Variants in NMNAT2 observed in about 807,000 individuals in gnomAD.
NMNAT2 encodes nicotinamide/nicotinic acid mononucleotide adenylyltransferase 2.
NMNAT2 carries 11 observed loss-of-function variants against 41.6 expected under a neutral mutation model. That is an observed-to-expected ratio of 0.26 (90% CI 0.17 to 0.44). The LOEUF is 0.44. Among genes scored for constraint, NMNAT2 ranks in the 20% least tolerant of loss-of-function variants. The pLI is 1.00. For synonymous variants in NMNAT2, 148 were observed against 151.2 expected, an observed-to-expected ratio of 0.98 and a Z score of 0.16; for missense variants, 288 against 407.7, an observed-to-expected ratio of 0.71 and a Z score of 2.53.
At chr1:183,349,169 T>C (rs970357602) in intron 1 of NMNAT2, among the ~76,000 whole-genome samples, 1 of 152,238 alleles carries the variant, frequency 6.6e-6, no homozygotes, top group Non-Finnish European at 1.5e-5. Flanking sequence ...GGATTATGTT[T>C]CTCCCAAAGG....
intron 1 of NMNAT2, among the ~76,000 whole-genome samples, chr1:183,385,338 C>T (rs899753174): frequency 2.6e-5 from 4 of 152,162 alleles, no homozygotes; most frequent in Admixed American, 2.6e-4. Flanking sequence ...AAGCAATAGC[C>T]TAAAACCCAC....
intron 1 of NMNAT2, among the ~76,000 whole-genome samples, chr1:183,341,516 A>G (rs1279933598): frequency 4.2e-5 from 4 of 94,618 alleles, no homozygotes; most frequent in African/African-American, 1.5e-4. Context: ...TGTCTCTACA[A>G]AAAATGCAAA....
At chr1:183,373,867 C>T (rs1234127465) in intron 1 of NMNAT2, among the ~76,000 whole-genome samples, 1 of 152,214 alleles carries the variant, frequency 6.6e-6, no homozygotes, top group Non-Finnish European at 1.5e-5. Flanking sequence ...ATCTGCCCGC[C>T]TCAGCCTCCC....
intron 1 of NMNAT2, among the ~76,000 whole-genome samples, chr1:183,386,332 A>G (rs1648246059): frequency 6.6e-6 from 1 of 152,152 alleles, no homozygotes; most frequent in Non-Finnish European, 1.5e-5. Context: ...GAGTTATCTC[A>G]TGTATAAATC....
chr1:183,319,422 G>C (rs1400213103), intron 1 of NMNAT2, among the ~76,000 whole-genome samples: 1 of 152,236 alleles, frequency 6.6e-6, no homozygotes, highest in East Asian at 1.9e-4. Flanking sequence ...ATATGCCACT[G>C]TTTAGAAAAC....
intron 1 of NMNAT2, among the ~76,000 whole-genome samples, chr1:183,410,713 T>G (rs1649092756): frequency 6.6e-6 from 1 of 151,940 alleles, no homozygotes; most frequent in East Asian, 1.9e-4. Flanking sequence ...TCCTGCTCTC[T>G]TCCCAGAATG....
chr1:183,341,703 G>A (rs1159746225), intron 1 of NMNAT2, among the ~76,000 whole-genome samples: 6 of 14,588 alleles, frequency 4.1e-4, no homozygotes, highest in Non-Finnish European at 5.3e-4. Flanking sequence ...AGAGAGAGAG[G>A]AAAAGACAAA....
intron 1 of NMNAT2, among the ~76,000 whole-genome samples, chr1:183,301,498 CA>C: frequency 6.6e-6 from 1 of 152,212 alleles, no homozygotes. Context: ...AGTTCTGCCC[CA>C]AAGAAGGAGC....
At chr1:183,398,920 A>G (rs1648729684) in intron 1 of NMNAT2, among the ~76,000 whole-genome samples, 1 of 152,250 alleles carries the variant, frequency 6.6e-6, no homozygotes, top group African/African-American at 2.4e-5. Flanking sequence ...CAGTGTGTAG[A>G]GGGAAATTTA....
chr1:183,405,680 T>C (rs1239073378), intron 1 of NMNAT2, among the ~76,000 whole-genome samples: 1 of 152,252 alleles, frequency 6.6e-6, no homozygotes, highest in African/African-American at 2.4e-5. Flanking sequence ...TCTTTTTATT[T>C]TTATTGTTTT....
At chr1:183,284,821 G>C in intron 5 of NMNAT2, 31 bp from the exon 6 acceptor site, 3 of 1,585,556 alleles carry the variant, frequency 1.9e-6, no homozygotes, top group Non-Finnish European at 2.6e-6. Context: ...GACAGGGACA[G>C]AGTGGGAGAG....
At chr1:183,304,542 C>T (rs1417847164) in intron 1 of NMNAT2, 4 of 802,940 alleles carry the variant, frequency 5.0e-6, no homozygotes, top group East Asian at 5.0e-5. Context: ...CCTAAACAGG[C>T]ATGCACAGAG....
intron 1 of NMNAT2, among the ~76,000 whole-genome samples, chr1:183,371,488 C>T (rs941430447): frequency 1.6e-4 from 25 of 152,088 alleles, no homozygotes; most frequent in African/African-American, 5.8e-4. Flanking sequence ...GTGTGGATGC[C>T]GCTCCATCAG....
chr1:183,310,836 C>T (rs1662099060), intron 1 of NMNAT2, among the ~76,000 whole-genome samples: 1 of 145,712 alleles, frequency 6.9e-6, no homozygotes, highest in Admixed American at 6.9e-5. Flanking sequence ...AGAATTATGG[C>T]CCCAAGGGAA....
intron 1 of NMNAT2, among the ~76,000 whole-genome samples, chr1:183,392,816 C>T (rs1228975686): frequency 2.0e-5 from 3 of 152,238 alleles, no homozygotes; most frequent in Non-Finnish European, 4.4e-5. Flanking sequence ...GGAGTCACCT[C>T]AATGTGATTC....
chr1:183,377,136 T>C (rs1291086828), intron 1 of NMNAT2, among the ~76,000 whole-genome samples: 1 of 151,830 alleles, frequency 6.6e-6, no homozygotes, highest in Non-Finnish European at 1.5e-5. Flanking sequence ...GATAAGGGAA[T>C]AGGGAGGAAA....
At chr1:183,338,581 T>C (rs1662728344) in intron 1 of NMNAT2, among the ~76,000 whole-genome samples, 1 of 152,242 alleles carries the variant, frequency 6.6e-6, no homozygotes, top group Non-Finnish European at 1.5e-5. Context: ...TTTGAGAAAC[T>C]GTTTTGTCGA....
At chr1:183,290,087 A>C (rs757094220) in intron 4 of NMNAT2, 41 bp downstream of exon 4, 3 of 1,505,716 alleles carry the variant, frequency 2.0e-6, no homozygotes, top group Non-Finnish European at 2.7e-6. Context: ...CCGCCCTTGC[A>C]CTCTGGTGGT....
chr1:183,408,352 T>C (rs1649018912), intron 1 of NMNAT2, among the ~76,000 whole-genome samples: 1 of 152,240 alleles, frequency 6.6e-6, no homozygotes, highest in African/African-American at 2.4e-5. Flanking sequence ...TAAAACTTTA[T>C]GAATAGTAAA....
Sources: allele counts gnomAD v4.1 joint callset (sites outside exome capture counted in the v4.1 genomes callset), GRCh38; gene constraint gnomAD v4.1.1; transcripts MANE v1.5; gene names NCBI Gene and HGNC (gene_info 2026-07-23, HGNC 2026-07-21).